The following ELMO1 variants were observed in gnomAD, a reference collection of about 807,000 sequenced individuals.
ELMO1 encodes the protein engulfment and cell motility 1, also known as engulfment and cell motility protein 1.
A neutral mutation model predicts 98.9 loss-of-function variants in ELMO1; 26 were observed. The observed-to-expected ratio is 0.26, with a 90% CI of 0.19 to 0.36. The LOEUF (loss-of-function observed/expected upper bound fraction) is 0.36, where lower values mean the gene tolerates loss of function less well. Among genes scored for constraint, ELMO1 ranks in the 10% least tolerant of loss-of-function variants. ELMO1 has a pLI of 1.00. For missense variants in ELMO1, 627 were observed against 935.2 expected, an observed-to-expected ratio of 0.67 and a Z score of 4.30; for synonymous variants, 346 against 346.0, an observed-to-expected ratio of 1.00 and a Z score of 0.00.
intron 15 of ELMO1, among the ~76,000 whole-genome samples, chr7:37,058,025 C>T (rs1240478712): frequency 3.9e-5 from 6 of 152,278 alleles, no homozygotes; most frequent in East Asian, 1.9e-4. Context: ...TTCAGTGCTA[C>T]GAAGAAAAGA....
intron 15 of ELMO1, among the ~76,000 whole-genome samples, chr7:37,091,858 T>G (rs1447455282): frequency 6.6e-6 from 1 of 152,138 alleles, no homozygotes; most frequent in Non-Finnish European, 1.5e-5. Flanking sequence ...GGGTTTCCCC[T>G]TATAAAACCA....
chr7:37,136,172 A>G (rs1358092966), intron 13 of ELMO1, among the ~76,000 whole-genome samples: 1 of 152,210 alleles, frequency 6.6e-6, no homozygotes, highest in East Asian at 1.9e-4. Flanking sequence ...CGTCAAAGAC[A>G]AAGAAAAAAG....
chr7:37,424,488 C>T (rs780205803), intron 1 of ELMO1, among the ~76,000 whole-genome samples: 5 of 152,086 alleles, frequency 3.3e-5, no homozygotes, highest in African/African-American at 1.2e-4. Flanking sequence ...GATTCTGAGT[C>T]CTATCCGTTT....
intron 16 of ELMO1, among the ~76,000 whole-genome samples, chr7:36,998,603 G>GT (rs1216785045): frequency 2.6e-5 from 4 of 152,012 alleles, no homozygotes; most frequent in African/African-American, 9.7e-5. Flanking sequence ...CAAAGTCACA[G>GT]TAAAAAAAAT....
chr7:37,013,783 C>T (rs377245492), intron 15 of ELMO1, among the ~76,000 whole-genome samples: 7 of 152,216 alleles, frequency 4.6e-5, no homozygotes, highest in African/African-American at 1.7e-4. Flanking sequence ...TTCAAACTGC[C>T]CTCTCAGGCA....
chr7:37,005,757 G>GC lies in ELMO1; in HGVS notation c.1437+7541dup, dbSNP rs571581370. 3.3e-5 allele frequency among the ~76,000 whole-genome samples: 5 copies of GC among 149,940 alleles called. No individual in the cohort carries two copies. In the East Asian group the frequency reaches 9.8e-4, roughly 29 times the overall value. On this transcript the variant is annotated intron_variant, in intron 16 of 21. Transcript: ENST00000310758. ...GTTAATCACTAAACTTGAGGGAGCA[G>GC]CTTGTCCACCTTTCCTGAAGATGTT...
At chr7:37,263,055 A>G (rs1316635797) in intron 5 of ELMO1, among the ~76,000 whole-genome samples, 2 of 152,142 alleles carry the variant, frequency 1.3e-5, no homozygotes, top group South Asian at 2.1e-4. Flanking sequence ...GACCCTTTTA[A>G]TGCAATATTT....
intron 2 of ELMO1, among the ~76,000 whole-genome samples, chr7:37,325,930 C>T (rs539849344): frequency 6.6e-6 from 1 of 152,292 alleles, no homozygotes; most frequent in African/African-American, 2.4e-5. Context: ...TGACACCAAT[C>T]ACTTTATAAC....
intron 13 of ELMO1, among the ~76,000 whole-genome samples, chr7:37,180,210 T>C (rs1790759447): frequency 6.6e-6 from 1 of 152,108 alleles, no homozygotes; most frequent in Admixed American, 6.5e-5. Context: ...CATATCACTA[T>C]AGCCCACAGA....
At chr7:37,023,782 C>T (rs1794414008) in intron 15 of ELMO1, among the ~76,000 whole-genome samples, 1 of 152,048 alleles carries the variant, frequency 6.6e-6, no homozygotes, top group Admixed American at 6.6e-5. Flanking sequence ...CAGGGTTTCA[C>T]CATGTTGGCC....
At chr7:36,981,504 GC>G (rs1791048349) in intron 16 of ELMO1, among the ~76,000 whole-genome samples, 1 of 152,044 alleles carries the variant, frequency 6.6e-6, no homozygotes, top group African/African-American at 2.4e-5. Flanking sequence ...TAAGATGATA[GC>G]AATTAAATCA....
intron 13 of ELMO1, among the ~76,000 whole-genome samples, chr7:37,150,878 C>T (rs1481636248): frequency 1.3e-5 from 2 of 152,196 alleles, no homozygotes; most frequent in Non-Finnish European, 2.9e-5. Flanking sequence ...CCACTGTTCT[C>T]TAACAAGGAA....
At chr7:37,343,491 T>C (rs866246845) in intron 1 of ELMO1, among the ~76,000 whole-genome samples, 8 of 65,726 alleles carry the variant, frequency 1.2e-4, no homozygotes, top group African/African-American at 3.3e-4. Flanking sequence ...CCATTTCTTT[T>C]TTTTTTTTTT....
At chr7:36,954,373 G>A (rs1216262451) in intron 16 of ELMO1, among the ~76,000 whole-genome samples, 3 of 152,162 alleles carry the variant, frequency 2.0e-5, no homozygotes, top group East Asian at 1.9e-4. Context: ...CAGGGGTGTG[G>A]GGGAAGCAGG....
chr7:37,430,720 C>A (rs769183143), intron 1 of ELMO1, among the ~76,000 whole-genome samples: 1 of 152,190 alleles, frequency 6.6e-6, no homozygotes, highest in Non-Finnish European at 1.5e-5. Context: ...TACTGTATGC[C>A]GGCCGAGGCC....
At chr7:37,140,258 C>G (rs184658432) in intron 13 of ELMO1, among the ~76,000 whole-genome samples, 1 of 150,804 alleles carries the variant, frequency 6.6e-6, no homozygotes, top group South Asian at 2.1e-4. Context: ...TGGTGGCAGG[C>G]GCCTATAGTC....
intron 1 of ELMO1, among the ~76,000 whole-genome samples, chr7:37,421,876 A>G (rs1183377358): frequency 6.6e-6 from 1 of 152,192 alleles, no homozygotes; most frequent in Non-Finnish European, 1.5e-5. Flanking sequence ...TTTACAATGC[A>G]GTGGGACTGA....
intron 1 of ELMO1, among the ~76,000 whole-genome samples, chr7:37,371,484 C>G (rs945823897): frequency 1.3e-5 from 2 of 152,132 alleles, no homozygotes; most frequent in African/African-American, 2.4e-5. Flanking sequence ...TTTTAGCTTT[C>G]ATTTACTCGG....
At chr7:36,959,661 C>A (rs1334373190) in intron 16 of ELMO1, among the ~76,000 whole-genome samples, 1 of 152,102 alleles carries the variant, frequency 6.6e-6, no homozygotes, top group Non-Finnish European at 1.5e-5. Context: ...TCTATAATCT[C>A]TTTTCAAAAA....
Sources: allele counts gnomAD v4.1 joint callset (sites outside exome capture counted in the v4.1 genomes callset), GRCh38; gene constraint gnomAD v4.1.1; transcripts MANE v1.5; gene names NCBI Gene and HGNC (gene_info 2026-07-23, HGNC 2026-07-21).